The following USP42 variants were observed in gnomAD, a reference collection of about 807,000 sequenced individuals.
The protein encoded by USP42 is ubiquitin specific peptidase 42.
A neutral mutation model predicts 113.0 loss-of-function variants in USP42; 23 were observed. The ratio of observed to expected loss-of-function variants is 0.20; its 90% CI spans 0.15 to 0.29. The LOEUF (loss-of-function observed/expected upper bound fraction) is 0.29. USP42 is among the 10% of genes least tolerant of loss of function. USP42 has a pLI of 1.00. For missense variants in USP42, 2,174 were observed against 1,779.8 expected, an observed-to-expected ratio of 1.22 and a Z score of -3.99; for synonymous variants, 933 against 699.0, an observed-to-expected ratio of 1.33 and a Z score of -5.28.
At chr7:6,117,000 C>T (rs922330102) in intron 3 of USP42, 29 of 403,220 alleles carry the variant, frequency 7.2e-5, no homozygotes, top group Non-Finnish European at 1.4e-4. Context: ...CTCCCTTCCT[C>T]CCTCTCTTTC....
intron 3 of USP42, among the ~76,000 whole-genome samples, chr7:6,122,886 T>C (rs911725254): frequency 6.6e-6 from 1 of 151,928 alleles, no homozygotes; most frequent in African/African-American, 2.4e-5. Flanking sequence ...TGCAGTGGTA[T>C]GATCTTGGTT....
chr7:6,118,850 G>T (rs1780056050), intron 3 of USP42, among the ~76,000 whole-genome samples: 1 of 152,020 alleles, frequency 6.6e-6, no homozygotes, highest in African/African-American at 2.4e-5. Context: ...TCTATTTCTG[G>T]ACTCTATTAT....
upstream of USP42, chr7:6,104,790 C>A (rs958266472): frequency 5.3e-5 from 8 of 151,856 alleles, no homozygotes; most frequent in African/African-American, 1.7e-4. Context: ...CCACACTCGC[C>A]GTGCTTGTTA....
chr7:6,130,154 G>C (rs545031719), intron 3 of USP42, among the ~76,000 whole-genome samples: 1 of 152,244 alleles, frequency 6.6e-6, no homozygotes, highest in African/African-American at 2.4e-5. Flanking sequence ...CCTGGCCATG[G>C]ATATTTTGGT....
intron 3 of USP42, among the ~76,000 whole-genome samples, chr7:6,127,507 T>G (rs1360107790): frequency 6.6e-6 from 1 of 152,216 alleles, no homozygotes; most frequent in Non-Finnish European, 1.5e-5. Flanking sequence ...TGGATGTCAT[T>G]TGCTCCAGCG....
intron 3 of USP42, among the ~76,000 whole-genome samples, chr7:6,127,737 G>A (rs980504594): frequency 1.4e-4 from 21 of 152,008 alleles, no homozygotes; most frequent in African/African-American, 5.1e-4. Flanking sequence ...CAATAGTTTC[G>A]GCTATTCTAG....
chr7:6,152,414 T>C (rs1782119997), intron 14 of USP42, among the ~76,000 whole-genome samples: 1 of 152,246 alleles, frequency 6.6e-6, no homozygotes, highest in South Asian at 2.1e-4. Flanking sequence ...CCGTAGTTTT[T>C]ACCCGCACGG....
rs753797224 is a variant in USP42, at chr7:6,140,049, C to A, written c.657-79C>A. The A allele has an allele frequency of 8.0e-6, 10 of 1,256,224 alleles. No homozygotes were observed. The East Asian group carries it at 1.8e-4, about 23-fold the overall frequency. 77.8% of individuals were successfully genotyped at this position (1,256,224 alleles called of 1,614,324 possible). ...TGAATTCTTGATCTTTTGTGAGCTC[C>A]CATGTGTTTGAAATCTGGTCACAGC... On this transcript the variant is annotated intron_variant, in intron 5 of 17. Coordinates refer to ENST00000306177, the MANE Select transcript of USP42 (RefSeq NM_032172.3).
intron 3 of USP42, among the ~76,000 whole-genome samples, chr7:6,134,723 G>C (rs1371693703): frequency 3.3e-5 from 5 of 152,176 alleles, no homozygotes; most frequent in African/African-American, 1.2e-4. Context: ...ATATGCCATA[G>C]AGACCACCAT....
chr7:6,087,615 GA>G, the USP42 span, among the ~76,000 whole-genome samples: 6 of 150,930 alleles, frequency 4.0e-5, no homozygotes, highest in East Asian at 1.2e-3. Context: ...GGGATTACAG[GA>G]ATTAGCTCCC....
intron 7 of USP42, among the ~76,000 whole-genome samples, chr7:6,141,189 T>C (rs550589845): frequency 1.2e-4 from 18 of 150,660 alleles, no homozygotes; most frequent in Non-Finnish European, 1.8e-4. Flanking sequence ...CTTTGAATTT[T>C]CTTTTTCTTT....
chr7:6,159,254 C>G lies in USP42; in HGVS notation c.3944-196C>G, dbSNP rs1261955442. Among the ~76,000 whole-genome samples, 1 of 152,182 alleles carries G rather than the reference C, an allele frequency of 6.6e-6. No individual in the cohort carries two copies. ...GGAGCCCTCAGTCATCACGTAAACC[C>G]TTTGACATCAGTAAAACCCTGGGAG... On this transcript the variant is annotated intron_variant, in intron 16 of 17. Transcript: ENST00000306177. This position sits in a 1 kb window ranked among gnomAD's most constrained non-coding sequence, Gnocchi z 4.1.
intron 2 of USP42, among the ~76,000 whole-genome samples, chr7:6,112,570 G>A (rs1473244571): frequency 6.6e-6 from 1 of 152,192 alleles, no homozygotes; most frequent in Non-Finnish European, 1.5e-5. Context: ...AACACTTTAA[G>A]TTGGTACTTC....
At chr7:6,098,765 T>C in the USP42 span, among the ~76,000 whole-genome samples, 1 of 150,030 alleles carries the variant, frequency 6.7e-6, no homozygotes, top group Non-Finnish European at 1.5e-5. Context: ...AGGCTGGTCT[T>C]GAACTCCTGA....
rs1250368918 is a variant in USP42, at chr7:6,156,947, C to G, written c.3835C>G (p.Leu1279Val). 1.9e-6 allele frequency: 3 copies of G among 1,613,726 alleles called. No homozygotes were observed. In the African/African-American group the frequency reaches 4.0e-5, roughly 22 times the overall value. ...QFRRAQGGFP[L>V]SGGPPLEGVG... ...CCGGAGAGCCCAGGGTGGCTTTCCTCTCTCTGGTGGCCCGCCTCTGGAAGG... is the reference window on the plus strand; with the variant it reads ...CCGGAGAGCCCAGGGTGGCTTTCCTGTCTCTGGTGGCCCGCCTCTGGAAGG... The change falls in exon 16 of 18, where the codon CTC (leucine) becomes GTC (valine). Residue 1279 changes from leucine (L) to valine (V), a missense_variant. Coordinates refer to ENST00000306177, the MANE Select transcript of USP42 (RefSeq NM_032172.3).
At position 6,158,740 on chromosome 7, in the gene USP42, A is replaced by AT. The variant is rs1200759178; in HGVS notation, c.3944-708dup. ...CCATTTCAGCGAATCGGGGAAGGAG[A>AT]TTCGTGAGGGCTGCTTGGTACCCGA... On this transcript the variant is annotated intron_variant, in intron 16 of 17. Transcript: ENST00000306177. This position sits in a 1 kb window ranked among gnomAD's most constrained non-coding sequence, Gnocchi z 4.2. Among the ~76,000 whole-genome samples, 1 of 151,964 alleles carries AT rather than the reference A, an allele frequency of 6.6e-6. No homozygotes were observed. The highest frequency in any genetic ancestry group is 1.9e-4 in the East Asian group (1 of 5,176).
the USP42 span, among the ~76,000 whole-genome samples, chr7:6,086,272 C>T: frequency 0.015 from 2,161 of 142,182 alleles, 142 homozygotes; most frequent in African/African-American, 0.057. Context: ...GTGGCGCGAT[C>T]TCAGTTCACT....
chr7:6,155,474 A>T (rs965577088), intron 15 of USP42, among the ~76,000 whole-genome samples: 1 of 152,218 alleles, frequency 6.6e-6, no homozygotes, highest in Non-Finnish European at 1.5e-5. Flanking sequence ...TGAATGCTTT[A>T]TAACTCTTCC....
intron 3 of USP42, among the ~76,000 whole-genome samples, chr7:6,121,417 C>G (rs917352110): frequency 3.3e-5 from 5 of 151,990 alleles, no homozygotes; most frequent in African/African-American, 1.2e-4. Context: ...AATTGTAAAA[C>G]AGTTTTGTCT....
Sources: allele counts gnomAD v4.1 joint callset (sites outside exome capture counted in the v4.1 genomes callset), GRCh38; gene constraint gnomAD v4.1.1; non-coding constraint Gnocchi (gnomAD v3.1); transcripts MANE v1.5; gene names NCBI Gene and HGNC (gene_info 2026-07-23, HGNC 2026-07-21).